The following FAP variants were observed in gnomAD, a reference collection of about 807,000 sequenced individuals.
FAP encodes the protein fibroblast activation protein alpha, also known as prolyl endopeptidase FAP.
A neutral mutation model predicts 126.5 loss-of-function variants in FAP; 110 were observed. The observed-to-expected ratio is 0.87, with a 90% CI of 0.74 to 1.02. The LOEUF (loss-of-function observed/expected upper bound fraction) is 1.02. FAP is among the 50% of genes least tolerant of loss of function. FAP has a pLI of 0.00. For missense variants in FAP, 919 were observed against 909.2 expected, an observed-to-expected ratio of 1.01 and a Z score of -0.14; for synonymous variants, 334 against 297.3, an observed-to-expected ratio of 1.12 and a Z score of -1.27.
At chr2:162,236,304 G>A (rs1029848616) in intron 2 of FAP, among the ~76,000 whole-genome samples, 11 of 152,002 alleles carry the variant, frequency 7.2e-5, no homozygotes, top group African/African-American at 9.7e-5. Flanking sequence ...ATAGTAATGC[G>A]GGTAATACCT....
At chr2:162,227,597 G>A (rs1025642958) in intron 2 of FAP, among the ~76,000 whole-genome samples, 5 of 152,116 alleles carry the variant, frequency 3.3e-5, no homozygotes, top group African/African-American at 9.7e-5. Context: ...TTGCCCAGGT[G>A]AGAACAAAAC....
chr2:162,191,234 C>G (rs1688029452), intron 17 of FAP, among the ~76,000 whole-genome samples: 1 of 152,100 alleles, frequency 6.6e-6, no homozygotes, highest in Non-Finnish European at 1.5e-5. Context: ...ATGGCTTTGA[C>G]TCCTTCTTCA....
chr2:162,241,901 C>G (rs1410085982), intron 2 of FAP, among the ~76,000 whole-genome samples: 1 of 152,116 alleles, frequency 6.6e-6, no homozygotes, highest in Non-Finnish European at 1.5e-5. Context: ...GTGAAAATCT[C>G]ATGATTATTT....
chr2:162,206,471 G>A (rs530866105), intron 12 of FAP, among the ~76,000 whole-genome samples: 4 of 152,226 alleles, frequency 2.6e-5, no homozygotes, highest in Non-Finnish European at 1.5e-5. Flanking sequence ...CCTAAACTGA[G>A]TGCACATTCG....
chr2:162,216,092 A>G, intron 9 of FAP, 91 bp from the exon 10 acceptor site: 1 of 896,558 alleles, frequency 1.1e-6, no homozygotes, highest in Non-Finnish European at 1.8e-6. Context: ...ATATTTTTCT[A>G]AGCGAACAAT....
intron 15 of FAP, among the ~76,000 whole-genome samples, chr2:162,200,234 A>T (rs563157230): frequency 6.6e-6 from 1 of 152,232 alleles, no homozygotes; most frequent in Non-Finnish European, 1.5e-5. Flanking sequence ...TGCCTGGTTC[A>T]TACTAGGTAC....
At chr2:162,172,952 C>A (rs531587120) in intron 24 of FAP, 68 bp from the exon 25 acceptor site, 1 of 1,297,838 alleles carries the variant, frequency 7.7e-7, no homozygotes, top group Non-Finnish European at 1.1e-6. Context: ...CAATGTACTG[C>A]CTGGAAATGA....
rs1196979920 is a variant in FAP, at chr2:162,223,656, C to T, written c.365G>A (p.Trp122Ter). The T allele has an allele frequency of 6.2e-7, 1 of 1,608,126 alleles. No individual in the cohort carries two copies. Among genetic ancestry groups the T allele is most frequent in the African/African-American group, 1.3e-5 (1 of 74,724 alleles). The change falls in exon 6 of 26, where the codon TGG becomes TAG. Residue 122 changes from tryptophan to a stop codon, truncating the protein, a stop_gained. Transcript: ENST00000188790. LOFTEE classifies it high-confidence loss of function. ...ATATGTTGCTGTGTAAGAGTATCTC[C>T]AAAGCTGTCAGAAAGAAGAAAGACA... Reference protein sequence around the residue: ...VYLESDYSKLWRYSYTATYYI... With the variant: ...VYLESDYSKL
chr2:162,217,935 C>T, intron 9 of FAP, 51 bp downstream of exon 9: 1 of 1,416,682 alleles, frequency 7.1e-7, no homozygotes, highest in Non-Finnish European at 9.6e-7. Flanking sequence ...TAAATCATTG[C>T]TCATTTTGAT....
chr2:162,219,310 T>C (rs1278003931), intron 7 of FAP, 127 bp from the exon 8 acceptor site: 4 of 889,678 alleles, frequency 4.5e-6, no homozygotes, highest in African/African-American at 3.5e-5. Context: ...ACAACTAAAA[T>C]ACCATTTTAA....
intron 10 of FAP, among the ~76,000 whole-genome samples, chr2:162,215,073 A>G (rs1275699626): frequency 6.6e-6 from 1 of 152,202 alleles, no homozygotes; most frequent in Non-Finnish European, 1.5e-5. Flanking sequence ...CATCGACTCG[A>G]TCAGGGTGGG....
chr2:162,194,904 T>C (rs1212332007), intron 16 of FAP, 156 bp from the exon 17 acceptor site: 2 of 682,594 alleles, frequency 2.9e-6, no homozygotes, highest in Non-Finnish European at 5.3e-6. Context: ...AAACATCACT[T>C]CTAAGTCACA....
At chr2:162,175,729 C>G (rs996297577) in intron 21 of FAP, 1 of 152,118 alleles carries the variant, frequency 6.6e-6, no homozygotes, top group African/African-American at 2.4e-5. Flanking sequence ...AAATGGGATC[C>G]TGTTAAGAGA....
chr2:162,223,639 CT>C lies in FAP; in HGVS notation c.381del (p.Ala128GlnfsTer14). 1 of 1,609,722 alleles carries C rather than the reference CT, an allele frequency of 6.2e-7. No individual in the cohort carries two copies. Among genetic ancestry groups the C allele is most frequent in the Non-Finnish European group, 8.5e-7 (1 of 1,176,380 alleles). On this transcript the variant is annotated frameshift_variant, in exon 6 of 26. Coordinates refer to ENST00000188790, the MANE Select transcript of FAP (RefSeq NM_004460.5). LOFTEE classifies it high-confidence loss of function. The stretch of plus-strand genomic sequence containing the variant: ...CTAAGGTCATAGATGTAATATGTTG[CT>C]GTGTAAGAGTATCTCCAAAGCTGTC... Reference protein sequence around the residue: ...DYSKLWRYSYTATYYIYDLSN... With the variant: ...DYSKLWRYSYXATYYIYDLSN...
rs371304292 is a variant in FAP, at chr2:162,224,501, G to A, written c.325C>T (p.Arg109Trp). 14 of 1,599,358 alleles carry A rather than the reference G, an allele frequency of 8.8e-6. No homozygotes were observed. In the Admixed American group the frequency reaches 8.9e-5, roughly 10 times the overall value. ...TCACTTTCTAGATATACAAATTGCC[G>A]ATCAGGTGATAAGCCGTAATTTGAA... The part of the protein sequence containing the change: ...NASNYGLSPD[R>W]QFVYLESDYS... The change falls in exon 5 of 26, where the codon CGG (arginine) becomes TGG (tryptophan). Residue 109 changes from arginine (R) to tryptophan (W), a missense_variant. By Grantham distance (101) the Arg-to-Trp change is moderately radical. Transcript: ENST00000188790.
intron 24 of FAP, 71 bp from the exon 25 acceptor site, chr2:162,172,955 G>T: frequency 8.0e-7 from 1 of 1,257,062 alleles, no homozygotes; most frequent in Non-Finnish European, 1.2e-6. Flanking sequence ...TGTACTGCCT[G>T]GAAATGAACA....
chr2:162,225,089 TA>T (rs1689579058), intron 4 of FAP, among the ~76,000 whole-genome samples: 4 of 152,136 alleles, frequency 2.6e-5, no homozygotes, highest in Admixed American at 2.6e-4. Flanking sequence ...ATTCTTTTAT[TA>T]ACCAAAAGAG....
At chr2:162,200,520 A>G in intron 15 of FAP, 46 bp downstream of exon 15, 1 of 1,070,754 alleles carries the variant, frequency 9.3e-7, no homozygotes, top group Non-Finnish European at 1.4e-6. Flanking sequence ...TTTTTATATT[A>G]AAATATCAAC....
chr2:162,209,685 T>C, intron 12 of FAP: 1 of 388,334 alleles, frequency 2.6e-6, no homozygotes, highest in Non-Finnish European at 4.6e-6. Context: ...TAAAAAGTAA[T>C]ATTAGTTATA....
Sources: allele counts gnomAD v4.1 joint callset (sites outside exome capture counted in the v4.1 genomes callset), GRCh38; gene constraint gnomAD v4.1.1; transcripts MANE v1.5; gene names NCBI Gene and HGNC (gene_info 2026-07-23, HGNC 2026-07-21).